The following TASP1 variants were observed in gnomAD, a reference collection of about 807,000 sequenced individuals.
TASP1 encodes threonine aspartase 1.
A neutral mutation model predicts 56.6 loss-of-function variants in TASP1; 16 were observed. The observed-to-expected ratio is 0.28, with a 90% CI of 0.19 to 0.43. The LOEUF (loss-of-function observed/expected upper bound fraction) is 0.43. Among genes scored for constraint, TASP1 ranks in the 20% least tolerant of loss-of-function variants. The pLI is 1.00. For synonymous variants in TASP1, 179 were observed against 184.2 expected (o/e 0.97, Z 0.23); for missense variants, 393 against 511.6 (o/e 0.77, Z 2.24).
intron 6 of TASP1, among the ~76,000 whole-genome samples, chr20:13,570,335 T>C (rs1169144164): frequency 6.6e-6 from 1 of 152,154 alleles, no homozygotes; most frequent in East Asian, 1.9e-4. Context: ...TCCATCTTCT[T>C]CCATAGCCAA....
At chr20:13,373,165 C>A in the TASP1 span, among the ~76,000 whole-genome samples, 6 of 151,980 alleles carry the variant, frequency 3.9e-5, no homozygotes, top group Non-Finnish European at 8.8e-5. Flanking sequence ...CACTCCAGTA[C>A]AACTCTGCCT....
chr20:13,470,166 T>C (rs2044434345), intron 11 of TASP1, among the ~76,000 whole-genome samples: 1 of 152,154 alleles, frequency 6.6e-6, no homozygotes. Flanking sequence ...CTAATCACTC[T>C]TCCTATTCTT....
At chr20:13,305,305 T>C in the TASP1 span, among the ~76,000 whole-genome samples, 4 of 152,240 alleles carry the variant, frequency 2.6e-5, no homozygotes, top group African/African-American at 7.2e-5. Context: ...TCCATAATTT[T>C]AGAATTAATT....
At chr20:13,596,353 C>T (rs2047730593) in intron 4 of TASP1, among the ~76,000 whole-genome samples, 1 of 144,994 alleles carries the variant, frequency 6.9e-6, no homozygotes, top group African/African-American at 2.6e-5. Flanking sequence ...CCAGCCTGGG[C>T]AACAAGAGTG....
the TASP1 span, among the ~76,000 whole-genome samples, chr20:13,381,070 T>C: frequency 2.0e-5 from 3 of 152,042 alleles, no homozygotes; most frequent in African/African-American, 7.2e-5. Flanking sequence ...CAGCCCCCTT[T>C]CCAGGGGAGT....
At chr20:13,326,064 T>A in the TASP1 span, among the ~76,000 whole-genome samples, 1 of 152,162 alleles carries the variant, frequency 6.6e-6, no homozygotes, top group Non-Finnish European at 1.5e-5. Flanking sequence ...AAACATGCAG[T>A]GTGTTACCTT....
the TASP1 span, among the ~76,000 whole-genome samples, chr20:13,148,571 C>CCAAA: frequency 6.6e-6 from 1 of 152,164 alleles, no homozygotes; most frequent in Non-Finnish European, 1.5e-5. Context: ...CAAGAGGCTA[C>CCAAA]CACATATGCC....
chr20:13,394,773 G>A (rs958894887), intron 13 of TASP1, among the ~76,000 whole-genome samples: 4 of 152,018 alleles, frequency 2.6e-5, no homozygotes, highest in African/African-American at 7.2e-5. Context: ...ATAATTTGCC[G>A]CTTTCTTGCT....
the TASP1 span, among the ~76,000 whole-genome samples, chr20:13,325,727 T>C: frequency 6.6e-6 from 1 of 152,226 alleles, no homozygotes; most frequent in African/African-American, 2.4e-5. Context: ...TTTGATAAAC[T>C]AGGTTCATCC....
the TASP1 span, among the ~76,000 whole-genome samples, chr20:13,142,214 G>A: frequency 6.6e-6 from 1 of 152,188 alleles, no homozygotes; most frequent in East Asian, 1.9e-4. Flanking sequence ...GTGTCTTTTA[G>A]ATGGCACTGG....
the TASP1 span, among the ~76,000 whole-genome samples, chr20:13,149,440 C>T: frequency 6.6e-6 from 1 of 152,316 alleles, no homozygotes; most frequent in East Asian, 1.9e-4. Flanking sequence ...AGATGAGTAG[C>T]GTTTTATAGG....
intron 1 of TASP1, among the ~76,000 whole-genome samples, chr20:13,635,665 G>T (rs2049278799): frequency 6.6e-6 from 1 of 152,054 alleles, no homozygotes; most frequent in African/African-American, 2.4e-5. Context: ...TGAGATTACA[G>T]GTGTAAGCCA....
intron 13 of TASP1, among the ~76,000 whole-genome samples, chr20:13,403,924 A>G (rs1383515463): frequency 6.6e-6 from 1 of 152,160 alleles, no homozygotes; most frequent in African/African-American, 2.4e-5. Flanking sequence ...AGCTAATATC[A>G]TTTTTAAGAC....
the TASP1 span, among the ~76,000 whole-genome samples, chr20:13,171,826 C>T: frequency 6.6e-6 from 1 of 152,046 alleles, no homozygotes. Context: ...CTGACTGAAA[C>T]AGACAATTCC....
At chr20:13,607,574 G>A (rs2048202673) in intron 4 of TASP1, among the ~76,000 whole-genome samples, 1 of 152,152 alleles carries the variant, frequency 6.6e-6, no homozygotes, top group Admixed American at 6.5e-5. Flanking sequence ...AATGATTTAT[G>A]TTTGTCCAAT....
intron 11 of TASP1, among the ~76,000 whole-genome samples, chr20:13,454,310 G>A (rs967272959): frequency 6.6e-6 from 1 of 152,138 alleles, no homozygotes; most frequent in African/African-American, 2.4e-5. Context: ...CAAGAGAAGA[G>A]GCAGGAAGAC....
chr20:13,166,140 C>T, the TASP1 span: 3 of 152,634 alleles, frequency 2.0e-5, no homozygotes, highest in Non-Finnish European at 4.4e-5. Context: ...AGCAAAGCTT[C>T]TGTAACAGTT....
At chr20:13,125,724 CA>C in the TASP1 span, among the ~76,000 whole-genome samples, 1 of 152,178 alleles carries the variant, frequency 6.6e-6, no homozygotes, top group Admixed American at 6.5e-5. Context: ...CAGGCTTATT[CA>C]CATAGCAGCT....
At chr20:13,226,851 A>G in the TASP1 span, among the ~76,000 whole-genome samples, 7 of 152,354 alleles carry the variant, frequency 4.6e-5, no homozygotes, top group Admixed American at 3.3e-4. Flanking sequence ...GGTTGCTTAG[A>G]TTCTAGTGGA....
Sources: allele counts gnomAD v4.1 joint callset (sites outside exome capture counted in the v4.1 genomes callset), GRCh38; gene constraint gnomAD v4.1.1; transcripts MANE v1.5; gene names NCBI Gene and HGNC (gene_info 2026-07-23, HGNC 2026-07-21).